The following MMP16 variants were observed in gnomAD, a reference collection of about 807,000 sequenced individuals.
The protein encoded by MMP16 is matrix metalloproteinase-16.
MMP16 carries 12 observed loss-of-function variants against 67.8 expected under a neutral mutation model. The ratio of observed to expected loss-of-function variants is 0.18; its 90% CI spans 0.11 to 0.29. The LOEUF is 0.29. Ranked by LOEUF, MMP16 falls within the 10% of genes least tolerant of loss-of-function variation. The pLI is 1.00. For synonymous variants in MMP16, 249 were observed against 255.9 expected (o/e 0.97, Z 0.26); for missense variants, 475 against 765.7 (o/e 0.62, Z 4.48).
At position 88,259,697 on chromosome 8, in the gene MMP16, C is replaced by T. The variant is rs544072296; in HGVS notation, c.133-62391G>A. Among the ~76,000 whole-genome samples the T allele has an allele frequency of 9.2e-5, 14 of 152,236 alleles. No homozygotes were observed. In the East Asian group the frequency reaches 1.9e-3, roughly 21 times the overall value. ...ATTAGGACTATAACTATGTTAACAA[C>T]GGAACACTGATTCCATTAAATACTA... is the stretch of plus-strand genomic sequence containing the variant. On this transcript the variant is annotated intron_variant, in intron 1 of 9. Transcript: ENST00000286614.
intron 1 of MMP16, among the ~76,000 whole-genome samples, chr8:88,283,747 C>G (rs923023094): frequency 5.3e-5 from 8 of 152,138 alleles, no homozygotes; most frequent in Non-Finnish European, 8.8e-5. Context: ...TGAGGTTATA[C>G]ACTGACCTGT....
chr8:88,122,673 A>G (rs1372463672), intron 4 of MMP16, among the ~76,000 whole-genome samples: 2 of 151,766 alleles, frequency 1.3e-5, no homozygotes, highest in East Asian at 1.9e-4. Context: ...CTGCAGCCCT[A>G]TCAGACTATG....
chr8:88,068,955 C>G (rs528841958), intron 7 of MMP16, among the ~76,000 whole-genome samples: 2 of 152,012 alleles, frequency 1.3e-5, no homozygotes, highest in Non-Finnish European at 2.9e-5. Flanking sequence ...ACTTGCCTCC[C>G]CCTCCCAAAG....
chr8:88,094,369 G>A (rs909003123), intron 6 of MMP16, among the ~76,000 whole-genome samples: 1 of 151,624 alleles, frequency 6.6e-6, no homozygotes, highest in African/African-American at 2.4e-5. Flanking sequence ...AATTAGAAGA[G>A]TGATAAAAAG....
At chr8:88,194,684 T>C (rs1809223192) in intron 2 of MMP16, among the ~76,000 whole-genome samples, 1 of 151,910 alleles carries the variant, frequency 6.6e-6, no homozygotes, top group African/African-American at 2.4e-5. Context: ...AGAGGAGGCA[T>C]GGCAGGCTAG....
At chr8:88,085,930 T>A (rs1418240207) in intron 6 of MMP16, among the ~76,000 whole-genome samples, 1 of 150,082 alleles carries the variant, frequency 6.7e-6, no homozygotes, top group Admixed American at 6.6e-5. Context: ...TATTAATTAG[T>A]ATTCATTTTA....
Position 88,167,909 on chromosome 8 carries a change from C to T in MMP16, c.469G>A (p.Asp157Asn). 6.2e-7 allele frequency: 1 copy of T among 1,614,040 alleles called. No homozygotes were observed. The highest frequency in any genetic ancestry group is 2.2e-5 in the East Asian group (1 of 44,864). ...ETRKAIRRAFDVWQNVTPLTF... is the reference protein window; with the variant it reads ...ETRKAIRRAFNVWQNVTPLTF... ...AGAGGAGTTACATTCTGCCACACAT[C>T]AAAGGCACGGCGAATAGCTTTACGA... Residue 157 changes from aspartate (D) to asparagine (N), a missense_variant, in exon 4 of 10, where the codon GAT becomes AAT. Physicochemically the swap from Asp to Asn is conservative, Grantham distance 23. Transcript: ENST00000286614.
chr8:88,271,864 G>A (rs937707008), intron 1 of MMP16, among the ~76,000 whole-genome samples: 4 of 152,116 alleles, frequency 2.6e-5, no homozygotes, highest in East Asian at 1.9e-4. Flanking sequence ...GTTAGTTTAC[G>A]CATGTAAAAT....
intron 9 of MMP16, 67 bp downstream of exon 9, chr8:88,046,602 A>T (rs986918692): frequency 2.1e-6 from 2 of 952,464 alleles, no homozygotes; most frequent in Non-Finnish European, 3.2e-6. Context: ...AATTTAGCAG[A>T]GTGAAAAAGC....
At chr8:88,322,363 T>G (rs1351321166) in intron 1 of MMP16, among the ~76,000 whole-genome samples, 1 of 152,082 alleles carries the variant, frequency 6.6e-6, no homozygotes, top group African/African-American at 2.4e-5. Flanking sequence ...GGGAAGAAAA[T>G]GTACTGATGT....
rs185159578 is a variant in MMP16 at position 88,327,415 on chromosome 8, T to C, written c.-209A>G. On this transcript the variant is annotated 5_prime_UTR_variant, in exon 1 of 10. Coordinates refer to ENST00000286614, the MANE Select transcript of MMP16 (RefSeq NM_005941.5). ...CGGCGAAGACAGGGTCAGCAGTAGTTCCTGTTCACCATCCTCCGGGGTCAG... is the reference window on the plus strand; with the variant it reads ...CGGCGAAGACAGGGTCAGCAGTAGTCCCTGTTCACCATCCTCCGGGGTCAG... 6.5e-4 allele frequency: 353 copies of C among 547,008 alleles called. 1 individual carries two copies. Among genetic ancestry groups the C allele is most frequent in the African/African-American group, 5.9e-3 (311 of 52,332 alleles). 33.9% of individuals were successfully genotyped at this position (547,008 alleles called of 1,614,324 possible). A position where few individuals can be genotyped will look rare whatever the true frequency, so the allele number is the denominator to read the frequency against.
rs1012963854 is a variant in MMP16, at chr8:88,037,048, A to C, written c.*4413T>G. On this transcript the variant is annotated 3_prime_UTR_variant, in exon 10 of 10. Transcript: ENST00000286614. The stretch of plus-strand genomic sequence containing the variant: ...CCATTCCTCTTCAGATAGCACTTTG[A>C]GTTTAGTTAATATGGACACACTATT... 2.7e-5 allele frequency: 4 copies of C among 150,676 alleles called. No homozygotes were observed. The highest frequency in any genetic ancestry group is 5.9e-5 in the Non-Finnish European group (4 of 67,498). 9.3% of individuals were successfully genotyped at this position (150,676 alleles called of 1,614,324 possible). A position where few individuals can be genotyped will look rare whatever the true frequency, so the allele number is the denominator to read the frequency against.
At chr8:88,222,848 A>G (rs1809707248) in intron 1 of MMP16, among the ~76,000 whole-genome samples, 2 of 152,352 alleles carry the variant, frequency 1.3e-5, no homozygotes, top group East Asian at 1.9e-4. Context: ...GACAAATGGG[A>G]TCTAATTAAA....
intron 6 of MMP16, among the ~76,000 whole-genome samples, chr8:88,084,827 G>T (rs1258578575): frequency 6.6e-6 from 1 of 151,858 alleles, no homozygotes; most frequent in South Asian, 2.1e-4. Flanking sequence ...TATTATTATG[G>T]AATCTTTGTA....
chr8:88,280,975 G>A (rs559891724), intron 1 of MMP16, among the ~76,000 whole-genome samples: 1 of 152,104 alleles, frequency 6.6e-6, no homozygotes, highest in South Asian at 2.1e-4. Context: ...ATTGCTATTA[G>A]CTTTAACCAA....
chr8:88,180,288 A>T (rs1808958788), intron 3 of MMP16, among the ~76,000 whole-genome samples: 1 of 152,034 alleles, frequency 6.6e-6, no homozygotes, highest in Admixed American at 6.6e-5. Context: ...TCTCAAAAAA[A>T]AAAAAGTCAA....
intron 4 of MMP16, among the ~76,000 whole-genome samples, chr8:88,153,369 A>G (rs906383518): frequency 1.4e-3 from 220 of 152,246 alleles, no homozygotes; most frequent in Non-Finnish European, 2.5e-3. Context: ...AAACTACTTT[A>G]AAGTTCATAT....
At chr8:88,204,572 T>C (rs769848456) in intron 1 of MMP16, among the ~76,000 whole-genome samples, 13 of 152,186 alleles carry the variant, frequency 8.5e-5, no homozygotes, top group Admixed American at 2.6e-4. Context: ...ATAAAAATTA[T>C]TTTAAAACAC....
At chr8:88,223,102 T>A (rs972353024) in intron 1 of MMP16, among the ~76,000 whole-genome samples, 4 of 152,184 alleles carry the variant, frequency 2.6e-5, no homozygotes, top group Non-Finnish European at 5.9e-5. Flanking sequence ...ATGCTCATCA[T>A]CACTGGTCAT....
Sources: gnomAD v4.1 joint callset for allele counts (sites outside exome capture counted in the v4.1 genomes callset) on GRCh38, gnomAD v4.1.1 for gene constraint, MANE v1.5 for transcripts, NCBI Gene and HGNC (gene_info 2026-07-23, HGNC 2026-07-21) for gene names.